Variants in WASHC5 observed in about 807,000 individuals in gnomAD.
The protein encoded by WASHC5 is WASH complex subunit 5, also known as WASH complex subunit strumpellin.
A neutral mutation model predicts 150.4 loss-of-function variants in WASHC5; 101 were observed. The ratio of observed to expected loss-of-function variants is 0.67; its 90% CI spans 0.57 to 0.79. WASHC5 has a LOEUF of 0.79. Ranked by LOEUF, WASHC5 falls within the 30% of genes least tolerant of loss-of-function variation. WASHC5 has a pLI of 0.00. For missense variants in WASHC5, 1,195 were observed against 1,396.3 expected (o/e 0.86, Z 2.30); for synonymous variants, 467 against 491.2 (o/e 0.95, Z 0.65).
At chr8:125,090,616 A>G (rs1283181285) in intron 1 of WASHC5, among the ~76,000 whole-genome samples, 1 of 152,232 alleles carries the variant, frequency 6.6e-6, no homozygotes. Context: ...TTTGGGAAGT[A>G]ATCCTAATCA....
chr8:125,030,496 GA>G (rs1457022921), intron 27 of WASHC5, among the ~76,000 whole-genome samples: 1 of 152,036 alleles, frequency 6.6e-6, no homozygotes, highest in Non-Finnish European at 1.5e-5. Flanking sequence ...CAGCTCACGG[GA>G]AATAACGACA....
intron 3 of WASHC5, chr8:125,082,877 C>T (rs1311993639): frequency 2.3e-6 from 1 of 426,796 alleles, no homozygotes; most frequent in Non-Finnish European, 4.2e-6. Flanking sequence ...GGATTGGAAA[C>T]TATATGACTT....
chr8:125,087,608 C>T (rs1817457677), intron 1 of WASHC5, among the ~76,000 whole-genome samples: 1 of 151,810 alleles, frequency 6.6e-6, no homozygotes, highest in South Asian at 2.1e-4. Context: ...TGGTGCGAGC[C>T]TGTAGTCCCA....
chr8:125,073,411 T>A, intron 8 of WASHC5, 87 bp from the exon 9 acceptor site: 2 of 1,091,778 alleles, frequency 1.8e-6, no homozygotes, highest in Admixed American at 3.8e-5. Flanking sequence ...TGACAAATAG[T>A]AACATTTCTA....
intron 18 of WASHC5, among the ~76,000 whole-genome samples, chr8:125,049,430 T>C (rs1273498905): frequency 2.0e-5 from 3 of 151,134 alleles, no homozygotes; most frequent in South Asian, 2.1e-4. Flanking sequence ...GTGTGGTGTG[T>C]ACCTGTAATC....
rs544854249 is a variant in WASHC5, at chr8:125,059,559, T to C, written c.1522-17A>G. 3.1e-6 allele frequency: 5 copies of C among 1,605,672 alleles called. No individual in the cohort carries two copies. Among genetic ancestry groups the C allele is most frequent in the South Asian group, 2.2e-5 (2 of 90,888 alleles). ...TTCTTGAACCTGTGTTACAGAAATA[T>C]ACTTAATTTAAAAATCCTGAATGGA... is the stretch of plus-strand genomic sequence containing the variant. On this transcript the variant is annotated splice_polypyrimidine_tract_variant and intron_variant, in intron 12 of 28. Coordinates refer to ENST00000318410, the MANE Select transcript of WASHC5 (RefSeq NM_014846.4).
intron 1 of WASHC5, among the ~76,000 whole-genome samples, chr8:125,089,606 C>T (rs1429484365): frequency 6.6e-6 from 1 of 152,050 alleles, no homozygotes; most frequent in Non-Finnish European, 1.5e-5. Context: ...ACAATGTGGC[C>T]CTGGGAAAAA....
At chr8:125,047,584 C>G (rs1183624594) in intron 19 of WASHC5, among the ~76,000 whole-genome samples, 1 of 151,878 alleles carries the variant, frequency 6.6e-6, no homozygotes. Flanking sequence ...ATTACAGGCA[C>G]CCGCCACCAT....
rs747268795 is a variant in WASHC5, at chr8:125,061,117, T to C, written c.1486A>G (p.Arg496Gly). 2.5e-5 allele frequency: 40 copies of C among 1,612,116 alleles called. No homozygotes were observed. Among genetic ancestry groups the C allele is most frequent in the Non-Finnish European group, 3.2e-5 (38 of 1,178,352 alleles). The change falls in exon 12 of 29, where the codon AGA (arginine) becomes GGA (glycine). Residue 496 changes from arginine to glycine, a missense_variant. Arg to Gly is a moderately radical substitution (Grantham distance 125). Transcript: ENST00000318410. Reference sequence around the variant, plus strand: ...GCTTGTATCAGTTGTACAGTTTTTCTGCCCGCAGCAGTAGAATCATCATAA... The same window carrying C: ...GCTTGTATCAGTTGTACAGTTTTTCCGCCCGCAGCAGTAGAATCATCATAA... Reference protein sequence around the residue: ...LNYDDSTAAGRKTVQLIQALE... With the variant: ...LNYDDSTAAGGKTVQLIQALE...
At chr8:125,034,503 A>G (rs1815639701) in intron 26 of WASHC5, among the ~76,000 whole-genome samples, 2 of 152,040 alleles carry the variant, frequency 1.3e-5, no homozygotes, top group South Asian at 4.1e-4. Flanking sequence ...ACTCTGTTTC[A>G]GAAAAAAAAA....
chr8:125,076,791 C>T (rs1456441429), intron 6 of WASHC5, among the ~76,000 whole-genome samples: 1 of 150,334 alleles, frequency 6.7e-6, no homozygotes, highest in Non-Finnish European at 1.5e-5. Flanking sequence ...CACCACTTCT[C>T]CATTTTTGTA....
At chr8:125,044,385 A>T (rs1815993480) in intron 21 of WASHC5, 151 bp downstream of exon 21, 1 of 848,252 alleles carries the variant, frequency 1.2e-6, no homozygotes, top group Admixed American at 1.9e-5. Context: ...GTTTATTCCC[A>T]GCTCTGATCT....
intron 1 of WASHC5, among the ~76,000 whole-genome samples, chr8:125,088,256 C>G (rs905140321): frequency 1.3e-5 from 2 of 151,562 alleles, no homozygotes; most frequent in African/African-American, 4.9e-5. Context: ...ATCACCCCGG[C>G]TCTACTAAAA....
At chr8:125,076,564 A>T in intron 6 of WASHC5, 64 bp from the exon 7 acceptor site, 1 of 1,585,662 alleles carries the variant, frequency 6.3e-7, no homozygotes, top group Non-Finnish European at 8.6e-7. Context: ...ACATGCTCAA[A>T]TTAAACTCTC....
At chr8:125,026,199 C>G (rs1396576390) in intron 28 of WASHC5, among the ~76,000 whole-genome samples, 1 of 152,156 alleles carries the variant, frequency 6.6e-6, no homozygotes, top group African/African-American at 2.4e-5. Context: ...GGATTTTTGT[C>G]CCTTGAATCC....
chr8:125,036,219 T>A (rs1421656156), intron 26 of WASHC5, among the ~76,000 whole-genome samples: 2 of 152,208 alleles, frequency 1.3e-5, no homozygotes, highest in Admixed American at 6.5e-5. Context: ...GGCACATGCA[T>A]CCTGTTGAAA....
chr8:125,032,309 G>A lies in WASHC5; in HGVS notation c.3267C>T (p.Ser1089=), dbSNP rs766846861. 1.2e-6 allele frequency: 2 copies of A among 1,614,192 alleles called. No homozygotes were observed. Among genetic ancestry groups the A allele is most frequent in the Admixed American group, 1.7e-5 (1 of 60,028 alleles). Residue 1089 remains serine (S), a synonymous_variant, in exon 27 of 29, where the codon TCC becomes TCT. Coordinates refer to ENST00000318410, the MANE Select transcript of WASHC5 (RefSeq NM_014846.4). ...GLLTLLKQFH[S]RYTEQFLALI... ...GCGCCAGGAACTGCTCGGTGTACCG[G>A]GAATGGAACTGCTTCAGCAGAGTGA...
At position 125,059,230 on chromosome 8, in the gene WASHC5, A is replaced by C; in HGVS notation, c.1756T>G (p.Phe586Val). The C allele has an allele frequency of 6.8e-6, 11 of 1,612,648 alleles. No individual in the cohort carries two copies. The highest frequency in any genetic ancestry group is 9.3e-6 in the Non-Finnish European group (11 of 1,178,656). ...CACTGTTTTTTGCTTACCTTTAGGA[A>C]GGTAGCTCTGAGTTTAGTAACCATG... ...PSMVTKLRATFLKLASALDLP... is the reference protein window; with the variant it reads ...PSMVTKLRATVLKLASALDLP... The change falls in exon 14 of 29, where the codon TTC becomes GTC. Residue 586 changes from phenylalanine to valine, a missense_variant. By Grantham distance (50) the Phe-to-Val change is conservative (BLOSUM62 -1). This residue lies in a region of WASHC5 where 997 missense variants were observed against 1,168.1 expected (regional missense o/e 0.85). Coordinates refer to ENST00000318410, the MANE Select transcript of WASHC5 (RefSeq NM_014846.4).
At chr8:125,080,366 A>G (rs1368094319) in intron 5 of WASHC5, among the ~76,000 whole-genome samples, 1 of 152,214 alleles carries the variant, frequency 6.6e-6, no homozygotes, top group Non-Finnish European at 1.5e-5. Flanking sequence ...TTTTAAAAAC[A>G]TGGATGTTAA....
Sources: allele counts gnomAD v4.1 joint callset (sites outside exome capture counted in the v4.1 genomes callset), GRCh38; gene constraint gnomAD v4.1.1; regional missense constraint gnomAD v4.1.1; transcripts MANE v1.5; gene names NCBI Gene and HGNC (gene_info 2026-07-23, HGNC 2026-07-21).